UBE2G1: variants seen among roughly 807,000 people sequenced by gnomAD.
The protein encoded by UBE2G1 is ubiquitin conjugating enzyme E2 G1.
A neutral mutation model predicts 22.7 loss-of-function variants in UBE2G1; 5 were observed. That is an observed-to-expected ratio of 0.22 (90% CI 0.12 to 0.46). The LOEUF (loss-of-function observed/expected upper bound fraction) is 0.46, where lower values mean the gene tolerates loss of function less well. Ranked by LOEUF, UBE2G1 falls within the 20% of genes least tolerant of loss-of-function variation. The pLI is 0.99. For synonymous variants in UBE2G1, 74 were observed against 67.5 expected (o/e 1.10, Z -0.47); for missense variants, 88 against 203.9 (o/e 0.43, Z 3.46).
chr17:4,350,279 G>A (rs1248003841), intron 1 of UBE2G1, among the ~76,000 whole-genome samples: 2 of 152,038 alleles, frequency 1.3e-5, no homozygotes, highest in African/African-American at 4.8e-5. Context: ...TGGCCAACAT[G>A]GTGAAACCTC....
intron 1 of UBE2G1, among the ~76,000 whole-genome samples, chr17:4,346,794 T>C (rs1483113484): frequency 6.6e-6 from 1 of 152,106 alleles, no homozygotes; most frequent in South Asian, 2.1e-4. Context: ...AACTCTGTGA[T>C]TCATTCAAAA....
At chr17:4,289,153 TTACATACATAC>T in intron 4 of UBE2G1, 66 bp downstream of exon 4, 1 of 1,322,194 alleles carries the variant, frequency 7.6e-7, no homozygotes, top group South Asian at 1.9e-5. Flanking sequence ...TCATGCATAC[TTACATACATAC>T]TAACTATAGT....
chr17:4,344,723 G>T (rs1969750197), intron 1 of UBE2G1, among the ~76,000 whole-genome samples: 1 of 151,994 alleles, frequency 6.6e-6, no homozygotes, highest in Non-Finnish European at 1.5e-5. Flanking sequence ...GTGTGGTGGT[G>T]TACCATGTGG....
At chr17:4,357,872 G>C (rs968851495) in intron 1 of UBE2G1, among the ~76,000 whole-genome samples, 1 of 151,918 alleles carries the variant, frequency 6.6e-6, no homozygotes, top group Non-Finnish European at 1.5e-5. Context: ...GGCCAAGACA[G>C]GAGGACTGCT....
intron 2 of UBE2G1, among the ~76,000 whole-genome samples, chr17:4,304,938 G>T (rs1294327927): frequency 1.3e-5 from 2 of 150,294 alleles, no homozygotes; most frequent in Middle Eastern, 3.4e-3. Flanking sequence ...TTTCTGCTAA[G>T]AAGTTTTTTA....
rs1970041305 is a variant in UBE2G1 at position 4,366,653 on chromosome 17, CT to C, written c.-338del. The C allele has an allele frequency of 4.1e-6, 1 of 241,038 alleles. No homozygotes were observed. Among genetic ancestry groups the C allele is most frequent in the East Asian group, 8.0e-5 (1 of 12,430 alleles). 14.9% of individuals were successfully genotyped at this position (241,038 alleles called of 1,614,324 possible). A position where few individuals can be genotyped will look rare whatever the true frequency, so the allele number is the denominator to read the frequency against. On this transcript the variant is annotated 5_prime_UTR_variant, in exon 1 of 6. Transcript: ENST00000396981. ...CACTGCCTCACTGCGCGCAGGGCCGCTCGGCGCAGGCGCGCTGAGACTGCCG... is the reference window on the plus strand; with the variant it reads ...CACTGCCTCACTGCGCGCAGGGCCGCCGGCGCAGGCGCGCTGAGACTGCCG...
intron 4 of UBE2G1, among the ~76,000 whole-genome samples, chr17:4,289,025 G>A (rs1969003049): frequency 6.6e-6 from 1 of 151,812 alleles, no homozygotes; most frequent in Non-Finnish European, 1.5e-5. Flanking sequence ...AGGTGACAGA[G>A]AGACCCTGTC....
chr17:4,338,127 G>A (rs1001893184), intron 1 of UBE2G1, among the ~76,000 whole-genome samples: 8 of 150,662 alleles, frequency 5.3e-5, no homozygotes, highest in African/African-American at 9.8e-5. Context: ...CTCAGATCGC[G>A]CTACTGCACT....
chr17:4,345,785 G>A (rs1473126583), intron 1 of UBE2G1: 1 of 152,156 alleles, frequency 6.6e-6, no homozygotes, highest in Non-Finnish European at 1.5e-5. Flanking sequence ...GATCTTCAGA[G>A]CATGAAATCA....
chr17:4,334,961 T>C (rs1312099536), intron 1 of UBE2G1, among the ~76,000 whole-genome samples: 1 of 152,056 alleles, frequency 6.6e-6, no homozygotes, highest in Admixed American at 6.6e-5. Flanking sequence ...AACCCCATCA[T>C]ATATAGGAAG....
At chr17:4,280,029 T>C (rs1205079000) in intron 5 of UBE2G1, among the ~76,000 whole-genome samples, 2 of 151,314 alleles carry the variant, frequency 1.3e-5, no homozygotes, top group African/African-American at 2.4e-5. Context: ...CAGATTTAGA[T>C]AGATAGACTT....
chr17:4,283,889 G>A (rs1289446691), intron 4 of UBE2G1, among the ~76,000 whole-genome samples: 2 of 152,142 alleles, frequency 1.3e-5, no homozygotes, highest in African/African-American at 4.8e-5. Context: ...AGTGGCTCAC[G>A]CCTATAATCT....
At chr17:4,321,952 T>C (rs1287173858) in intron 1 of UBE2G1, among the ~76,000 whole-genome samples, 2 of 152,234 alleles carry the variant, frequency 1.3e-5, no homozygotes, top group East Asian at 3.8e-4. Context: ...ATTTTTCTTT[T>C]TTATATTTTG....
intron 2 of UBE2G1, among the ~76,000 whole-genome samples, chr17:4,300,087 C>CTTT (rs35118148): frequency 2.0e-5 from 3 of 146,616 alleles, no homozygotes; most frequent in Admixed American, 6.8e-5. Context: ...GGCCTACCTG[C>CTTT]TTTTTTTTTT....
chr17:4,333,209 T>C (rs1034709692), intron 1 of UBE2G1, among the ~76,000 whole-genome samples: 6 of 152,230 alleles, frequency 3.9e-5, no homozygotes, highest in Non-Finnish European at 7.3e-5. Flanking sequence ...AAATTCCACC[T>C]ATCGCAATAT....
At chr17:4,355,381 C>G (rs1447107085) in intron 1 of UBE2G1, among the ~76,000 whole-genome samples, 3 of 150,412 alleles carry the variant, frequency 2.0e-5, no homozygotes. Context: ...TGGCTCAAGC[C>G]TATAATCCCA....
intron 5 of UBE2G1, among the ~76,000 whole-genome samples, chr17:4,282,202 C>T (rs1293286785): frequency 3.3e-5 from 5 of 152,180 alleles, no homozygotes; most frequent in African/African-American, 1.2e-4. Flanking sequence ...CCTCCCTCAA[C>T]CTCCTGAGTA....
intron 1 of UBE2G1, among the ~76,000 whole-genome samples, chr17:4,309,521 C>T (rs1969283988): frequency 6.6e-6 from 1 of 152,222 alleles, no homozygotes; most frequent in Admixed American, 6.5e-5. Context: ...TTTATGCACG[C>T]ATATGTGTAC....
intron 1 of UBE2G1, among the ~76,000 whole-genome samples, chr17:4,323,189 A>C (rs1969463513): frequency 6.6e-6 from 1 of 152,248 alleles, no homozygotes; most frequent in Non-Finnish European, 1.5e-5. Context: ...CTTTGGTAAG[A>C]AATTTAAAAA....
Sources: gnomAD v4.1 joint callset for allele counts (sites outside exome capture counted in the v4.1 genomes callset) on GRCh38, gnomAD v4.1.1 for gene constraint, MANE v1.5 for transcripts, NCBI Gene and HGNC (gene_info 2026-07-23, HGNC 2026-07-21) for gene names.